The following STXBP5 variants were observed in gnomAD, a reference collection of about 807,000 sequenced individuals.
The protein encoded by STXBP5 is syntaxin binding protein 5.
Under a neutral mutation model 152.4 loss-of-function variants are expected in STXBP5, and 50 were observed. The ratio of observed to expected loss-of-function variants is 0.33; its 90% confidence interval spans 0.26 to 0.42. STXBP5 has a LOEUF of 0.42. Among genes scored for constraint, STXBP5 ranks in the 10% least tolerant of loss-of-function variants. The probability of loss-of-function intolerance (pLI) is 1.00; values close to 1 mark genes in which losing one functional copy is unlikely to be tolerated. For missense variants in STXBP5, 1,167 were observed against 1,388.6 expected (o/e 0.84, Z 2.54); for synonymous variants, 492 against 494.7 (o/e 0.99, Z 0.07).
chr6:147,350,595 G>A (rs755098713), intron 21 of STXBP5, among the ~76,000 whole-genome samples: 20 of 151,990 alleles, frequency 1.3e-4, no homozygotes, highest in Non-Finnish European at 2.2e-4. Context: ...TATTATAGTG[G>A]TGCATTGCAT....
intron 9 of STXBP5, among the ~76,000 whole-genome samples, chr6:147,303,448 A>G (rs1042242436): frequency 6.6e-6 from 1 of 152,196 alleles, no homozygotes; most frequent in Admixed American, 6.5e-5. Flanking sequence ...CTGTGAGTCA[A>G]TTAAACCTCT....
chr6:147,332,866 A>G (rs1215748762), intron 18 of STXBP5, among the ~76,000 whole-genome samples: 7 of 152,214 alleles, frequency 4.6e-5, no homozygotes, highest in Non-Finnish European at 1.0e-4. Context: ...ACTATATCAT[A>G]TAAGTTTAAG....
intron 25 of STXBP5, among the ~76,000 whole-genome samples, chr6:147,370,955 C>A (rs1785511121): frequency 6.6e-6 from 1 of 151,958 alleles, no homozygotes. Context: ...AACCAAAGCC[C>A]ATACATTGAC....
At chr6:147,262,901 A>G (rs1025215233) in intron 6 of STXBP5, among the ~76,000 whole-genome samples, 1 of 151,988 alleles carries the variant, frequency 6.6e-6, no homozygotes, top group African/African-American at 2.4e-5. Context: ...ATCTTTTAAA[A>G]TAATAAATAT....
At chr6:147,346,588 A>C (rs1784342408) in intron 21 of STXBP5, among the ~76,000 whole-genome samples, 2 of 152,056 alleles carry the variant, frequency 1.3e-5, no homozygotes, top group Admixed American at 1.3e-4. Context: ...AAGTACAAAA[A>C]AATTAGCCAG....
intron 2 of STXBP5, among the ~76,000 whole-genome samples, chr6:147,215,951 C>T (rs1319656378): frequency 2.0e-5 from 3 of 151,928 alleles, no homozygotes. Flanking sequence ...ATATCATATA[C>T]ATATGTGTAG....
Position 147,387,771 on chromosome 6 carries a change from T to A in STXBP5, c.*3016T>A, listed in dbSNP as rs1018539511. On this transcript the variant is annotated 3_prime_UTR_variant, in exon 28 of 28. Coordinates refer to ENST00000321680, the MANE Select transcript of STXBP5 (RefSeq NM_001127715.4). ...TTACAATTTAATTAAGTACAATAGT[T>A]TAAAGAACGAAGCAATTTTTTTTTT... 16 of 151,646 alleles carry A rather than the reference T, an allele frequency of 1.1e-4. No individual in the cohort carries two copies. Among genetic ancestry groups the A allele is most frequent in the African/African-American group, 3.6e-4 (15 of 41,310 alleles). 9.4% of individuals were successfully genotyped at this position (151,646 alleles called of 1,614,324 possible). A position where few individuals can be genotyped will look rare whatever the true frequency, so the allele number is the denominator to read the frequency against.
At chr6:147,282,816 G>A (rs1158093248) in intron 8 of STXBP5, among the ~76,000 whole-genome samples, 1 of 152,158 alleles carries the variant, frequency 6.6e-6, no homozygotes, top group Non-Finnish European at 1.5e-5. Context: ...AGGGTGATGT[G>A]TTGCAGAGTA....
chr6:147,328,736 T>A (rs1454427211), intron 18 of STXBP5: 1 of 471,120 alleles, frequency 2.1e-6, no homozygotes. Flanking sequence ...GCGGCCTTTC[T>A]AGCTTATATT....
rs1003707080 is a variant in STXBP5, at chr6:147,213,605, C to G, written c.248+7537C>G. Among the ~76,000 whole-genome samples the G allele has an allele frequency of 7.2e-5, 11 of 151,844 alleles. No individual in the cohort carries two copies. In the South Asian group the frequency reaches 8.3e-4, roughly 11 times the overall value. On this transcript the variant is annotated intron_variant, in intron 2 of 27. Transcript: ENST00000321680. ...GGATTAAAGATTATGAGCTACTGTT[C>G]CCAGCTACAAGAAGAAAATTAATAA...
chr6:147,286,273 T>G (rs894087383), intron 8 of STXBP5, among the ~76,000 whole-genome samples: 1 of 152,162 alleles, frequency 6.6e-6, no homozygotes, highest in Non-Finnish European at 1.5e-5. Flanking sequence ...AGATTCAAGA[T>G]TCCCTGTACA....
intron 21 of STXBP5, among the ~76,000 whole-genome samples, chr6:147,343,018 A>C (rs980371792): frequency 6.6e-6 from 1 of 152,088 alleles, no homozygotes; most frequent in African/African-American, 2.4e-5. Flanking sequence ...TTCTGGTTAC[A>C]TGAAGTTGTG....
intron 25 of STXBP5, among the ~76,000 whole-genome samples, chr6:147,373,382 A>T (rs548505421): frequency 6.6e-6 from 1 of 151,728 alleles, no homozygotes; most frequent in East Asian, 1.9e-4. Flanking sequence ...AAAAAAAAAA[A>T]AAAAAACTTC....
intron 2 of STXBP5, among the ~76,000 whole-genome samples, chr6:147,217,732 C>A (rs1777246629): frequency 6.6e-6 from 1 of 152,180 alleles, no homozygotes; most frequent in East Asian, 1.9e-4. Flanking sequence ...GTTGCAATTA[C>A]TTTTCTGTTT....
chr6:147,346,487 C>G (rs1012187895), intron 21 of STXBP5, among the ~76,000 whole-genome samples: 7 of 152,094 alleles, frequency 4.6e-5, no homozygotes, highest in African/African-American at 1.7e-4. Context: ...GCCTGTAATC[C>G]TAGCACTTTG....
chr6:147,291,283 C>T (rs1379278789), intron 9 of STXBP5, 111 bp downstream of exon 9: 2 of 676,354 alleles, frequency 3.0e-6, no homozygotes, highest in Non-Finnish European at 4.5e-6. Flanking sequence ...CTACACCATT[C>T]TTAAATTTTA....
chr6:147,379,865 A>C (rs1181482177), intron 26 of STXBP5, among the ~76,000 whole-genome samples: 1 of 152,170 alleles, frequency 6.6e-6, no homozygotes, highest in Non-Finnish European at 1.5e-5. Context: ...TTCAAAAATG[A>C]AATTAAGAAA....
At chr6:147,265,856 G>A (rs1276177402) in intron 6 of STXBP5, among the ~76,000 whole-genome samples, 4 of 151,946 alleles carry the variant, frequency 2.6e-5, no homozygotes, top group African/African-American at 4.8e-5. Flanking sequence ...CAGACTGCAC[G>A]ATAATTCAAA....
At chr6:147,216,550 A>G (rs1777178218) in intron 2 of STXBP5, among the ~76,000 whole-genome samples, 1 of 152,184 alleles carries the variant, frequency 6.6e-6, no homozygotes, top group South Asian at 2.1e-4. Context: ...CTTTTTGAAA[A>G]TATTTTATAG....
Sources: gnomAD v4.1 joint callset for allele counts (sites outside exome capture counted in the v4.1 genomes callset) on GRCh38, gnomAD v4.1.1 for gene constraint, MANE v1.5 for transcripts, NCBI Gene and HGNC (gene_info 2026-07-23, HGNC 2026-07-21) for gene names.